The following PNPLA3 variants were observed in gnomAD, a reference collection of about 807,000 sequenced individuals.
PNPLA3 encodes the protein patatin like domain 3, 1-acylglycerol-3-phosphate O-acyltransferase.
PNPLA3 carries 42 observed loss-of-function variants against 43.1 expected under a neutral mutation model. The observed-to-expected ratio is 0.97, with a 90% CI of 0.76 to 1.26. PNPLA3 has a LOEUF of 1.26. Among genes scored for constraint, PNPLA3 ranks in the 50% most tolerant of loss-of-function variants. The pLI is 0.00. For missense variants in PNPLA3, 647 were observed against 621.4 expected, an observed-to-expected ratio of 1.04 and a Z score of -0.44; for synonymous variants, 272 against 253.6, an observed-to-expected ratio of 1.07 and a Z score of -0.69.
At position 43,946,377 on chromosome 22, in the gene PNPLA3, CTG is replaced by C. The variant is rs767510066; in HGVS notation, c.1444_1445del (p.Ter482SerfsTer8). 1 of 1,613,634 alleles carries C rather than the reference CTG, an allele frequency of 6.2e-7. No homozygotes were observed. The highest frequency in any genetic ancestry group is 8.5e-7 in the Non-Finnish European group (1 of 1,179,592). Reference protein sequence around the residue: ...TFPSFSLEKSL With the variant: ...TFPSFSLEKSX ...TCCCAGTTTTTCACTAGAGAAGAGT[CTG>C]TGAGTCACTTGAGGAGGCGAGTCTA... is the stretch of plus-strand genomic sequence containing the variant. On this transcript the variant is annotated frameshift_variant, in exon 9 of 9. Coordinates refer to ENST00000216180, the MANE Select transcript of PNPLA3 (RefSeq NM_025225.3). LOFTEE classifies it high-confidence loss of function.
intron 3 of PNPLA3, among the ~76,000 whole-genome samples, chr22:43,931,576 C>CGCGAT (rs1179725517): frequency 2.0e-5 from 3 of 152,082 alleles, no homozygotes; most frequent in African/African-American, 7.2e-5. Context: ...AGTGCAGTGG[C>CGCGAT]GCGATCTCAG....
Position 43,946,160 on chromosome 22 carries a change from A to T in PNPLA3, c.1224A>T (p.Gln408His), listed in dbSNP as rs1403261171. Residue 408 changes from glutamine (Q) to histidine (H), a missense_variant, in exon 9 of 9, where the codon CAA becomes CAT. By Grantham distance (24) the Gln-to-His change is conservative. Transcript: ENST00000216180. ...LMCLLPASRS[Q>H]MPVSSQQASP... ...CTTCCTCCATGTGTTTCAGGTCCCA[A>T]ATGCCAGTGAGCAGCCAACAGGCCT... 6.2e-7 allele frequency: 1 copy of T among 1,612,514 alleles called. No homozygotes were observed. The highest frequency in any genetic ancestry group is 8.5e-7 in the Non-Finnish European group (1 of 1,178,672).
intron 8 of PNPLA3, among the ~76,000 whole-genome samples, chr22:43,945,302 G>A (rs796620208): frequency 3.9e-5 from 6 of 152,288 alleles, no homozygotes; most frequent in South Asian, 2.1e-4. Flanking sequence ...CACAGTCTCC[G>A]GGGTGAAGCC....
intron 2 of PNPLA3, 122 bp from the exon 3 acceptor site, chr22:43,928,702 C>T: frequency 2.3e-6 from 1 of 426,064 alleles, no homozygotes; most frequent in Non-Finnish European, 4.5e-6. Context: ...ATGGATTAAC[C>T]TACTCTGTGC....
chr22:43,947,322 T>G lies in PNPLA3; in HGVS notation c.*940T>G. On this transcript the variant is annotated 3_prime_UTR_variant, in exon 9 of 9. Transcript: ENST00000216180. Reference sequence around the variant, plus strand: ...TGCGGTGAGCTGAGATTGCACCATTTCATTCCAGCCTGGGCAACATGAGTG... The same window carrying G: ...TGCGGTGAGCTGAGATTGCACCATTGCATTCCAGCCTGGGCAACATGAGTG... The G allele has an allele frequency of 6.6e-6, 1 of 151,112 alleles. No individual in the cohort carries two copies. The highest frequency in any genetic ancestry group is 1.5e-5 in the Non-Finnish European group (1 of 68,362). 9.4% of individuals were successfully genotyped at this position (151,112 alleles called of 1,614,324 possible).
intron 3 of PNPLA3, 97 bp from the exon 4 acceptor site, chr22:43,932,779 GCT>G: frequency 9.5e-7 from 1 of 1,050,974 alleles, no homozygotes; most frequent in African/African-American, 1.6e-5. Flanking sequence ...CCTGTTTGTG[GCT>G]CTGAGAAGCT....
At position 43,937,828 on chromosome 22, in the gene PNPLA3, C is replaced by T. The variant is rs561318291; in HGVS notation, c.979+556C>T. ...ATGGTGCTGTATTTTATAATGTCAT[C>T]AAATATCAAATGGAGACAGTGCTAT... On this transcript the variant is annotated intron_variant, in intron 6 of 8. Coordinates refer to ENST00000216180, the MANE Select transcript of PNPLA3 (RefSeq NM_025225.3). Among the ~76,000 whole-genome samples the T allele has an allele frequency of 3.3e-5, 5 of 152,284 alleles. No individual in the cohort carries two copies. The South Asian group carries it at 1.0e-3, about 32-fold the overall frequency.
intron 7 of PNPLA3, among the ~76,000 whole-genome samples, chr22:43,942,971 T>G (rs1023095671): frequency 6.6e-6 from 1 of 152,186 alleles, no homozygotes; most frequent in Non-Finnish European, 1.5e-5. Context: ...CTTCCTGGGT[T>G]GGATTCCTGT....
chr22:43,935,761 G>T (rs2049991503), intron 5 of PNPLA3, among the ~76,000 whole-genome samples: 1 of 152,126 alleles, frequency 6.6e-6, no homozygotes, highest in Non-Finnish European at 1.5e-5. Flanking sequence ...TGAAAAATGG[G>T]AGAGGAGGGC....
intron 2 of PNPLA3, among the ~76,000 whole-genome samples, chr22:43,927,709 T>C (rs988402255): frequency 6.6e-6 from 1 of 151,774 alleles, no homozygotes; most frequent in Non-Finnish European, 1.5e-5. Context: ...CAGGCTGGAG[T>C]GCAGTGGCGC....
In PNPLA3 at chr22:43,946,370, G is replaced by A. The variant is rs763225620; in HGVS notation, c.1434G>A (p.Glu478=). The change falls in exon 9 of 9, where the codon GAG becomes GAA. Residue 478 remains glutamate (E), a synonymous_variant. Coordinates refer to ENST00000216180, the MANE Select transcript of PNPLA3 (RefSeq NM_025225.3). ...CCACCTTTCCCAGTTTTTCACTAGA[G>A]AAGAGTCTGTGAGTCACTTGAGGAG... is the stretch of plus-strand genomic sequence containing the variant. The part of the protein sequence containing the change: ...GLSTFPSFSL[E]KSL 1 of 1,614,088 alleles carries A rather than the reference G, an allele frequency of 6.2e-7. No homozygotes were observed. The highest frequency in any genetic ancestry group is 8.5e-7 in the Non-Finnish European group (1 of 1,179,950).
In PNPLA3 at chr22:43,937,204, A is replaced by C. The variant is rs1603416801; in HGVS notation, c.911A>C (p.His304Pro). Residue 304 changes from histidine to proline, a missense_variant, in exon 6 of 9, where the codon CAC becomes CCC. Physicochemically the swap from His to Pro is moderately conservative, Grantham distance 77 (BLOSUM62 -2). Transcript: ENST00000216180. Reference protein sequence around the residue: ...VRLEGDELLDHLRLSILPWDE... With the variant: ...VRLEGDELLDPLRLSILPWDE... ...CTGGAGGGAGATGAGCTGCTAGACC[A>C]CCTGCGTCTCAGCATCCTGCCCTGG... The C allele has an allele frequency of 1.2e-6, 2 of 1,614,048 alleles. No homozygotes were observed. The highest frequency in any genetic ancestry group is 1.7e-6 in the Non-Finnish European group (2 of 1,179,992).
At chr22:43,932,052 T>C (rs985525765) in intron 3 of PNPLA3, among the ~76,000 whole-genome samples, 1 of 152,162 alleles carries the variant, frequency 6.6e-6, no homozygotes, top group African/African-American at 2.4e-5. Flanking sequence ...TGGAATCTTT[T>C]GGATGCCTTT....
chr22:43,928,594 G>A (rs1289461517), intron 2 of PNPLA3, among the ~76,000 whole-genome samples: 1 of 151,662 alleles, frequency 6.6e-6, no homozygotes, highest in Non-Finnish European at 1.5e-5. Context: ...AGAGGAAGTT[G>A]AAGTTCACTG....
chr22:43,932,828 C>A (rs375922355), intron 3 of PNPLA3, 50 bp from the exon 4 acceptor site: 39 of 1,564,960 alleles, frequency 2.5e-5, no homozygotes, highest in Non-Finnish European at 3.3e-5. Context: ...CACTTAAGCA[C>A]TAACCCAGAG....
In PNPLA3 at chr22:43,930,722, A is replaced by C. The variant is rs578107137; in HGVS notation, c.486+1833A>C. 1.4e-4 allele frequency among the ~76,000 whole-genome samples: 21 copies of C among 152,308 alleles called. No individual in the cohort carries two copies. The South Asian group carries it at 3.5e-3, about 26-fold the overall frequency. On this transcript the variant is annotated intron_variant, in intron 3 of 8. Coordinates refer to ENST00000216180, the MANE Select transcript of PNPLA3 (RefSeq NM_025225.3). ...CATTGGCTGATTTCTGAGCCATGCC[A>C]GGGGGATGGAGAAGCCGAAGCAGGA...
chr22:43,939,691 C>T (rs2050018666), intron 6 of PNPLA3, among the ~76,000 whole-genome samples: 1 of 152,184 alleles, frequency 6.6e-6, no homozygotes, highest in Non-Finnish European at 1.5e-5. Context: ...TGGCAGGTGC[C>T]TGTAATCCCA....
At chr22:43,936,999 G>C (rs557667766) in intron 5 of PNPLA3, 52 bp from the exon 6 acceptor site, 65 of 1,488,188 alleles carry the variant, frequency 4.4e-5, no homozygotes, top group Non-Finnish European at 5.9e-5. Context: ...GGTGGGTAAC[G>C]ACCACCACTC....
At position 43,932,753 on chromosome 22, in the gene PNPLA3, C is replaced by T. The variant is rs1178370268; in HGVS notation, c.487-125C>T. On this transcript the variant is annotated intron_variant, in intron 3 of 8. Coordinates refer to ENST00000216180, the MANE Select transcript of PNPLA3 (RefSeq NM_025225.3). ...GCAGGAGTGATTCCAAAGCCAATGT[C>T]CTCCCTCCATATCAGCCTGTTTGTG... 6.3e-6 allele frequency: 5 copies of T among 791,356 alleles called. No homozygotes were observed. In the East Asian group the frequency reaches 1.0e-4, roughly 17 times the overall value. The allele number at this position is 791,356 out of a possible 1,614,324, so 49.0% of individuals were successfully genotyped here. A position where few individuals can be genotyped will look rare whatever the true frequency, so the allele number is the denominator to read the frequency against.
Sources: allele counts gnomAD v4.1 joint callset (sites outside exome capture counted in the v4.1 genomes callset), GRCh38; gene constraint gnomAD v4.1.1; transcripts MANE v1.5; gene names NCBI Gene and HGNC (gene_info 2026-07-23, HGNC 2026-07-21).